Variants in AKAP6 observed in about 807,000 individuals in gnomAD.
AKAP6 encodes A-kinase anchoring protein 6, also known as A-kinase anchor protein 6.
Under a neutral mutation model 188.5 loss-of-function variants are expected in AKAP6, and 58 were observed. The ratio of observed to expected loss-of-function variants is 0.31; its 90% CI spans 0.25 to 0.38. The LOEUF (loss-of-function observed/expected upper bound fraction) is 0.38, where lower values mean the gene tolerates loss of function less well. Ranked by LOEUF, AKAP6 falls within the 10% of genes least tolerant of loss-of-function variation. The pLI, the probability that AKAP6 is intolerant of heterozygous loss-of-function variation, is 1.00. For missense variants in AKAP6, 2,710 were observed against 2,740.0 expected, an observed-to-expected ratio of 0.99 and a Z score of 0.24; for synonymous variants, 989 against 998.6, an observed-to-expected ratio of 0.99 and a Z score of 0.18.
chr14:32,479,399 C>T (rs1031388282), intron 2 of AKAP6, among the ~76,000 whole-genome samples: 8 of 151,936 alleles, frequency 5.3e-5, no homozygotes, highest in African/African-American at 1.9e-4. Context: ...TAGAGATATC[C>T]ACTATTACCA....
rs146986734 is a variant in AKAP6 at position 32,768,090 on chromosome 14, A to G, written c.3373-5588A>G. ...TTGGCACATAAATGGTGCCCAATGA[A>G]TGCTTATTTGCTATGAAAATTATCA... is the stretch of plus-strand genomic sequence containing the variant. On this transcript the variant is annotated intron_variant, in intron 11 of 13. Coordinates refer to ENST00000280979, the MANE Select transcript of AKAP6 (RefSeq NM_004274.5). Among the ~76,000 whole-genome samples, 61 of 152,312 alleles carry G rather than the reference A, an allele frequency of 4.0e-4. 1 individual carries two copies. The East Asian group carries it at 0.011, about 28-fold the overall frequency.
At chr14:32,629,157 A>G (rs1304204461) in intron 7 of AKAP6, among the ~76,000 whole-genome samples, 3 of 152,042 alleles carry the variant, frequency 2.0e-5, no homozygotes, top group Non-Finnish European at 2.9e-5. Flanking sequence ...AATCGTCCAT[A>G]CCTAAAACCC....
chr14:32,388,250 A>G (rs1186567696), intron 1 of AKAP6, among the ~76,000 whole-genome samples: 1 of 151,822 alleles, frequency 6.6e-6, no homozygotes, highest in African/African-American at 2.4e-5. Context: ...TTCTTGGTTA[A>G]TCTTGCTAAT....
intron 9 of AKAP6, among the ~76,000 whole-genome samples, chr14:32,703,684 T>C (rs1281931235): frequency 4.6e-5 from 7 of 152,194 alleles, no homozygotes; most frequent in Non-Finnish European, 1.0e-4. Flanking sequence ...GAAATGCTAG[T>C]GGCCAACAGT....
At chr14:32,344,036 A>G (rs938173833) in intron 1 of AKAP6, among the ~76,000 whole-genome samples, 6 of 151,702 alleles carry the variant, frequency 4.0e-5, no homozygotes, top group Admixed American at 3.9e-4. Context: ...TCTGGCAAAA[A>G]CTCTGGCTGT....
intron 12 of AKAP6, among the ~76,000 whole-genome samples, chr14:32,801,894 A>T (rs1451612993): frequency 6.6e-6 from 1 of 152,000 alleles, no homozygotes; most frequent in Non-Finnish European, 1.5e-5. Context: ...TCCTCTATGG[A>T]TACAGTTTTT....
chr14:32,613,023 C>T (rs1487926469), intron 7 of AKAP6, among the ~76,000 whole-genome samples: 2 of 152,198 alleles, frequency 1.3e-5, no homozygotes, highest in African/African-American at 4.8e-5. Flanking sequence ...AATTTGTGTA[C>T]ATACACATCC....
chr14:32,731,682 A>G (rs995597400), intron 9 of AKAP6, among the ~76,000 whole-genome samples: 18 of 152,252 alleles, frequency 1.2e-4, no homozygotes, highest in African/African-American at 4.1e-4. Flanking sequence ...ATTTATGGCT[A>G]TCCATAATAT....
chr14:32,332,723 G>C (rs1216386340), intron 1 of AKAP6, among the ~76,000 whole-genome samples: 1 of 152,062 alleles, frequency 6.6e-6, no homozygotes, highest in African/African-American at 2.4e-5. Flanking sequence ...GAGAACAGAA[G>C]CAGAAACTTC....
At chr14:32,690,076 T>C (rs375773827) in intron 8 of AKAP6, among the ~76,000 whole-genome samples, 8 of 135,942 alleles carry the variant, frequency 5.9e-5, no homozygotes, top group Non-Finnish European at 9.6e-5. Context: ...TGCCCCAAAA[T>C]ACACACACAC....
intron 12 of AKAP6, chr14:32,774,103 CACTG>C: frequency 1.7e-6 from 1 of 578,796 alleles, no homozygotes. Context: ...TTTGTCATAA[CACTG>C]ACATTTATTT....
chr14:32,828,506 ATCTC>A (rs3032470), intron 13 of AKAP6, among the ~76,000 whole-genome samples: 46 of 141,354 alleles, frequency 3.3e-4, no homozygotes, highest in South Asian at 7.2e-4. Flanking sequence ...CCTATCATCT[ATCTC>A]TCTCTCTCTC....
At chr14:32,541,554 A>T (rs905721782) in intron 3 of AKAP6, among the ~76,000 whole-genome samples, 2 of 152,030 alleles carry the variant, frequency 1.3e-5, no homozygotes, top group Non-Finnish European at 2.9e-5. Context: ...TCTTTTTTTT[A>T]AATCTATCAT....
chr14:32,715,815 A>G (rs1440374658), intron 9 of AKAP6, among the ~76,000 whole-genome samples: 1 of 151,964 alleles, frequency 6.6e-6, no homozygotes, highest in Non-Finnish European at 1.5e-5. Context: ...AATGTTTCAT[A>G]TAGTGAAGAG....
At chr14:32,411,225 G>A (rs1889473744) in intron 1 of AKAP6, among the ~76,000 whole-genome samples, 1 of 151,666 alleles carries the variant, frequency 6.6e-6, no homozygotes, top group Admixed American at 6.6e-5. Flanking sequence ...AGAATTTTCT[G>A]GTCCCAAATG....
At chr14:32,776,646 G>A (rs918200400) in intron 12 of AKAP6, among the ~76,000 whole-genome samples, 2 of 152,080 alleles carry the variant, frequency 1.3e-5, no homozygotes, top group Admixed American at 1.3e-4. Context: ...AATAAATTTT[G>A]TTTCATTCTG....
intron 12 of AKAP6, among the ~76,000 whole-genome samples, chr14:32,799,760 A>G (rs1171398938): frequency 2.0e-5 from 3 of 152,016 alleles, no homozygotes; most frequent in Non-Finnish European, 4.4e-5. Context: ...TTCAATATGA[A>G]CTTGAGAAAA....
chr14:32,615,591 C>CTTTTTTTTTTTTTTT lies in AKAP6; in HGVS notation c.2730+14807_2730+14821dup, dbSNP rs779867395. Among the ~76,000 whole-genome samples the CTTTTTTTTTTTTTTT allele has an allele frequency of 1.8e-4, 21 of 115,264 alleles. 2 individuals carry two copies. The highest frequency in any genetic ancestry group is 7.7e-4 in the African/African-American group (20 of 26,052). 75.6% of individuals were successfully genotyped at this position (115,264 alleles called of 152,430 possible). A position where few individuals can be genotyped will look rare whatever the true frequency, so the allele number is the denominator to read the frequency against. Reference sequence around the variant, plus strand: ...TGTTTCCCCCAATGCTAAACCATTACTTTTTTTTTTTTTTTTTTTTTTGAG... The same window carrying CTTTTTTTTTTTTTTT: ...TGTTTCCCCCAATGCTAAACCATTACTTTTTTTTTTTTTTTTTTTTTTTTTTTTTTTTTTTTTGAG... On this transcript the variant is annotated intron_variant, in intron 7 of 13. Transcript: ENST00000280979.
intron 2 of AKAP6, among the ~76,000 whole-genome samples, chr14:32,488,774 T>C (rs570790198): frequency 1.3e-5 from 2 of 152,276 alleles, no homozygotes; most frequent in South Asian, 4.1e-4. Context: ...GGGAGTTTCC[T>C]GACCCCTTGT....
Sources: allele counts gnomAD v4.1 joint callset (sites outside exome capture counted in the v4.1 genomes callset), GRCh38; gene constraint gnomAD v4.1.1; transcripts MANE v1.5; gene names NCBI Gene and HGNC (gene_info 2026-07-23, HGNC 2026-07-21).